The following LPP variants were observed in gnomAD, a reference collection of about 807,000 sequenced individuals.
LPP encodes the protein LIM domain containing preferred translocation partner in lipoma.
Under a neutral mutation model 60.4 loss-of-function variants are expected in LPP, and 38 were observed. The ratio of observed to expected loss-of-function variants is 0.63; its 90% CI spans 0.49 to 0.83. LPP has a LOEUF of 0.83. Among genes scored for constraint, LPP ranks in the 40% least tolerant of loss-of-function variants. LPP has a pLI of 0.00. For missense variants in LPP, 902 were observed against 783.6 expected, an observed-to-expected ratio of 1.15 and a Z score of -1.80; for synonymous variants, 328 against 290.8, an observed-to-expected ratio of 1.13 and a Z score of -1.30.
At chr3:188,573,410 C>T (rs1359062137) in intron 6 of LPP, among the ~76,000 whole-genome samples, 2 of 151,994 alleles carry the variant, frequency 1.3e-5, no homozygotes, top group Non-Finnish European at 2.9e-5. Context: ...GGATCAGCCC[C>T]AAATGACCTA....
In LPP at chr3:188,490,946, A is replaced by T. The variant is rs548910238; in HGVS notation, c.306+6242A>T. Among the ~76,000 whole-genome samples, 16 of 151,828 alleles carry T rather than the reference A, an allele frequency of 1.1e-4. No individual in the cohort carries two copies. In the South Asian group the frequency reaches 2.5e-3, roughly 24 times the overall value. On this transcript the variant is annotated intron_variant, in intron 5 of 11. Coordinates refer to ENST00000617246, the MANE Select transcript of LPP (RefSeq NM_001375462.1). Reference sequence around the variant, plus strand: ...ATTTTTTTAGTTTTTTATTTTTAGTAGAGACGAGGTTTCACCGTGTTAGCC... The same window carrying T: ...ATTTTTTTAGTTTTTTATTTTTAGTTGAGACGAGGTTTCACCGTGTTAGCC...
chr3:188,500,847 AC>A (rs1811613856), intron 5 of LPP, among the ~76,000 whole-genome samples: 1 of 151,764 alleles, frequency 6.6e-6, no homozygotes, highest in East Asian at 1.9e-4. Context: ...TGCTCATAGT[AC>A]TCTCTTAAAT....
intron 9 of LPP, among the ~76,000 whole-genome samples, chr3:188,802,540 C>T (rs1174080640): frequency 1.3e-5 from 2 of 152,122 alleles, no homozygotes; most frequent in African/African-American, 2.4e-5. Context: ...CCCAGGACTT[C>T]GTGAGGCCGA....
intron 6 of LPP, among the ~76,000 whole-genome samples, chr3:188,599,791 G>GTGTGTGTGTGTGTGTGT (rs1840754629): frequency 2.0e-5 from 1 of 48,830 alleles, no homozygotes; most frequent in African/African-American, 7.0e-5. Context: ...TGTGTGTGTG[G>GTGTGTGTGTGTGTGTGT]TGTGTGCTTT....
chr3:188,226,467 G>A (rs1375965108), intron 2 of LPP, among the ~76,000 whole-genome samples: 1 of 152,162 alleles, frequency 6.6e-6, no homozygotes. Context: ...ACCAGGTAAG[G>A]TAAACTTTCC....
At chr3:188,494,602 T>C (rs989970438) in intron 5 of LPP, among the ~76,000 whole-genome samples, 11 of 152,100 alleles carry the variant, frequency 7.2e-5, no homozygotes, top group African/African-American at 2.7e-4. Flanking sequence ...TCCTGGTGTC[T>C]TTTGCTATGT....
At chr3:188,336,019 A>C (rs1304018795) in intron 2 of LPP, among the ~76,000 whole-genome samples, 1 of 152,136 alleles carries the variant, frequency 6.6e-6, no homozygotes, top group African/African-American at 2.4e-5. Flanking sequence ...AACTGTGGGC[A>C]CCTCAGTAGC....
At chr3:188,389,808 CA>C (rs56398215) in intron 3 of LPP, among the ~76,000 whole-genome samples, 46,831 of 131,912 alleles carry the variant, frequency 0.36, 9,624 homozygotes, top group Middle Eastern at 0.63. Flanking sequence ...GACTCCGTCT[CA>C]AAAAAAAAAA....
intron 4 of LPP, among the ~76,000 whole-genome samples, chr3:188,406,742 G>A: frequency 6.6e-6 from 1 of 152,196 alleles, no homozygotes; most frequent in East Asian, 1.9e-4. Context: ...ACCTAATAAA[G>A]TGCATGGAAT....
chr3:188,389,773 C>G (rs1460017136), intron 3 of LPP, among the ~76,000 whole-genome samples: 1 of 11,298 alleles, frequency 8.9e-5, no homozygotes, highest in African/African-American at 4.8e-4. Context: ...GGGACTCCGT[C>G]TCAAAAAAAA....
intron 9 of LPP, among the ~76,000 whole-genome samples, chr3:188,782,346 G>A (rs1740069566): frequency 1.3e-5 from 2 of 152,070 alleles, no homozygotes; most frequent in African/African-American, 4.8e-5. Flanking sequence ...CCTTTGAATT[G>A]GAGAGATATC....
rs1421631326 is a variant in LPP, at chr3:188,874,978, A to G, written c.*499A>G. On this transcript the variant is annotated 3_prime_UTR_variant, in exon 12 of 12. Transcript: ENST00000617246. ...GGATATTCTTCTCTTGCTTTATACTACTCACGTCCTTGGGGAGGGAAATGC... is the reference window on the plus strand; with the variant it reads ...GGATATTCTTCTCTTGCTTTATACTGCTCACGTCCTTGGGGAGGGAAATGC... 4.4e-6 allele frequency: 1 copy of G among 225,320 alleles called. No homozygotes were observed. The highest frequency in any genetic ancestry group is 8.8e-6 in the Non-Finnish European group (1 of 113,122). The allele number at this position is 225,320 out of a possible 1,614,324, so 14.0% of individuals were successfully genotyped here.
intron 6 of LPP, among the ~76,000 whole-genome samples, chr3:188,588,860 C>T (rs560490104): frequency 5.3e-5 from 8 of 152,036 alleles, no homozygotes; most frequent in Non-Finnish European, 1.2e-4. Context: ...CACGCACCTC[C>T]GAAGATACGG....
In LPP at chr3:188,795,139, CAAAACA is replaced by C. The variant is rs1178344075; in HGVS notation, c.1410+34873_1410+34878del. 8.6e-5 allele frequency among the ~76,000 whole-genome samples: 13 copies of C among 151,924 alleles called. No homozygotes were observed. The East Asian group carries it at 2.1e-3, about 25-fold the overall frequency. Reference sequence around the variant, plus strand: ...ACAGAGCAAAACTCCGTCTCAAAAACAAAACAAAAACAAAAACAAAAGAAGTAAATT... The same window carrying C: ...ACAGAGCAAAACTCCGTCTCAAAAACAAAACAAAAACAAAAGAAGTAAATT... On this transcript the variant is annotated intron_variant, in intron 9 of 11. Coordinates refer to ENST00000617246, the MANE Select transcript of LPP (RefSeq NM_001375462.1).
chr3:188,510,295 C>T (rs554781534), intron 5 of LPP, among the ~76,000 whole-genome samples: 6 of 152,124 alleles, frequency 3.9e-5, no homozygotes, highest in Non-Finnish European at 7.4e-5. Flanking sequence ...ATTGTATTCC[C>T]TGGGTCTAAG....
chr3:188,630,820 T>C (rs576366899), intron 7 of LPP, among the ~76,000 whole-genome samples: 1 of 152,186 alleles, frequency 6.6e-6, no homozygotes, highest in African/African-American at 2.4e-5. Context: ...ATGGTATGTA[T>C]GCACCATGGA....
At chr3:188,415,849 T>TA (rs1163878351) in intron 4 of LPP, among the ~76,000 whole-genome samples, 1 of 152,142 alleles carries the variant, frequency 6.6e-6, no homozygotes, top group Admixed American at 6.6e-5. Context: ...AACAGATCTG[T>TA]ACCTCAATTG....
At chr3:188,530,573 G>A (rs1821911945) in intron 6 of LPP, among the ~76,000 whole-genome samples, 1 of 152,132 alleles carries the variant, frequency 6.6e-6, no homozygotes. Context: ...CACTCAAGGA[G>A]GCTCATTTAG....
intron 9 of LPP, among the ~76,000 whole-genome samples, chr3:188,815,126 C>G (rs1484576704): frequency 6.6e-6 from 1 of 152,182 alleles, no homozygotes; most frequent in Non-Finnish European, 1.5e-5. Context: ...AATACTTGTC[C>G]AATGGAAATG....
Sources: allele counts gnomAD v4.1 joint callset (sites outside exome capture counted in the v4.1 genomes callset), GRCh38; gene constraint gnomAD v4.1.1; transcripts MANE v1.5; gene names NCBI Gene and HGNC (gene_info 2026-07-23, HGNC 2026-07-21).